Variants in PCDHA5 observed in about 807,000 individuals in gnomAD.
The protein encoded by PCDHA5 is protocadherin alpha 5.
PCDHA5 carries 43 observed loss-of-function variants against 61.6 expected under a neutral mutation model. The observed-to-expected ratio is 0.70, with a 90% CI of 0.55 to 0.90. PCDHA5 has a LOEUF of 0.90. Ranked by LOEUF, PCDHA5 falls within the 40% of genes least tolerant of loss-of-function variation. The pLI is 0.00. For missense variants in PCDHA5, 1,298 were observed against 1,222.7 expected (o/e 1.06, Z -0.92); for synonymous variants, 627 against 543.9 (o/e 1.15, Z -2.13).
At chr5:140,902,071 T>G (rs1288333473) in intron 1 of PCDHA5, among the ~76,000 whole-genome samples, 1 of 152,186 alleles carries the variant, frequency 6.6e-6, no homozygotes, top group African/African-American at 2.4e-5. Flanking sequence ...TTTACTGAAT[T>G]TATTGTTTTA....
At chr5:140,990,836 C>G (rs1358432111) in intron 3 of PCDHA5, among the ~76,000 whole-genome samples, 1 of 152,120 alleles carries the variant, frequency 6.6e-6, no homozygotes, top group East Asian at 1.9e-4. Context: ...AGCCTATTAG[C>G]AAAAATAGAG....
intron 1 of PCDHA5, chr5:140,967,458 A>T (rs1042156831): frequency 6.2e-7 from 1 of 1,613,546 alleles, no homozygotes; most frequent in Non-Finnish European, 8.5e-7. Flanking sequence ...ACAGCCGTGG[A>T]TGGGGGCATC....
At chr5:140,957,194 G>A (rs2095341106) in intron 1 of PCDHA5, among the ~76,000 whole-genome samples, 1 of 152,012 alleles carries the variant, frequency 6.6e-6, no homozygotes, top group Non-Finnish European at 1.5e-5. Context: ...TGACCGATTG[G>A]GAATATAAAT....
intron 1 of PCDHA5, among the ~76,000 whole-genome samples, chr5:140,832,719 AG>A (rs1433818410): frequency 2.0e-5 from 3 of 152,224 alleles, no homozygotes; most frequent in African/African-American, 7.2e-5. Flanking sequence ...AGATAAATAA[AG>A]GTAAGTATCC....
Position 140,823,982 on chromosome 5 carries a change from C to A in PCDHA5, c.2207C>A (p.Pro736His). ...PTEAVCTRGKPTLLCSSAVGS... is the reference protein window; with the variant it reads ...PTEAVCTRGKHTLLCSSAVGS... Reference sequence around the variant, plus strand: ...GAGGCCGTGTGCACACGGGGCAAGCCCACTCTGTTGTGCTCCAGCGCGGTG... The same window carrying A: ...GAGGCCGTGTGCACACGGGGCAAGCACACTCTGTTGTGCTCCAGCGCGGTG... The change falls in exon 1 of 4, where the codon CCC (proline) becomes CAC (histidine). Residue 736 changes from proline (P) to histidine (H), a missense_variant. Coordinates refer to ENST00000529859, the MANE Select transcript of PCDHA5 (RefSeq NM_018908.3). 1 of 1,614,046 alleles carries A rather than the reference C, an allele frequency of 6.2e-7. No homozygotes were observed. Among genetic ancestry groups the A allele is most frequent in the Non-Finnish European group, 8.5e-7 (1 of 1,179,982 alleles).
intron 1 of PCDHA5, among the ~76,000 whole-genome samples, chr5:140,930,790 A>G (rs155822): frequency 0.047 from 7,177 of 152,302 alleles, 299 homozygotes; most frequent in African/African-American, 0.11. Context: ...ACAATATAAT[A>G]GAATCCAGCA....
At chr5:140,852,867 T>A (rs2042500160) in intron 1 of PCDHA5, 1 of 952,126 alleles carries the variant, frequency 1.1e-6, no homozygotes, top group African/African-American at 1.8e-5. Context: ...TACTATGTCA[T>A]CAATAATCAT....
At chr5:140,979,350 A>T (rs113796939) in intron 2 of PCDHA5, among the ~76,000 whole-genome samples, 1,685 of 150,698 alleles carry the variant, frequency 0.011, 22 homozygotes, top group East Asian at 0.044. Flanking sequence ...TGTAATTAAT[A>T]CTCATGCTTT....
intron 1 of PCDHA5, among the ~76,000 whole-genome samples, chr5:140,880,565 A>T (rs1554171321): frequency 6.6e-6 from 1 of 152,206 alleles, no homozygotes; most frequent in Non-Finnish European, 1.5e-5. Flanking sequence ...TGAGGTTGAG[A>T]ATTTGAGAAG....
intron 1 of PCDHA5, chr5:140,861,392 G>A (rs2046897620): frequency 2.2e-6 from 1 of 451,822 alleles, no homozygotes; most frequent in Non-Finnish European, 4.5e-6. Context: ...ACCTGGGTCT[G>A]GAGCTTGTGG....
chr5:140,830,328 G>A, intron 1 of PCDHA5: 2 of 1,614,058 alleles, frequency 1.2e-6, no homozygotes, highest in Non-Finnish European at 1.7e-6. Flanking sequence ...AGCGCAGTGG[G>A]GAGCTGGTCG....
intron 3 of PCDHA5, among the ~76,000 whole-genome samples, chr5:140,991,358 A>G (rs1417256360): frequency 6.6e-6 from 1 of 152,234 alleles, no homozygotes; most frequent in African/African-American, 2.4e-5. Context: ...AAGACTATTT[A>G]CTGTCTGAGT....
Position 140,841,742 on chromosome 5 carries a change from T to G in PCDHA5, c.2352+17615T>G, listed in dbSNP as rs2150322045. On this transcript the variant is annotated intron_variant, in intron 1 of 3. Transcript: ENST00000529859. ...GTTCCGGGTAAAAGACCAAAAGCTG[T>G]TTGTTTCAGAATCCAGAATGCCAGA... 8 of 1,613,830 alleles carry G rather than the reference T, an allele frequency of 5.0e-6. 1 individual carries two copies. In the South Asian group the frequency reaches 8.8e-5, roughly 18 times the overall value.
At chr5:140,938,887 A>ACG (rs2092246756) in intron 1 of PCDHA5, among the ~76,000 whole-genome samples, 1 of 152,094 alleles carries the variant, frequency 6.6e-6, no homozygotes, top group South Asian at 2.1e-4. Flanking sequence ...ACACACACAC[A>ACG]CACAGATGCG....
intron 1 of PCDHA5, among the ~76,000 whole-genome samples, chr5:140,912,933 C>T (rs1433213824): frequency 6.6e-6 from 1 of 152,070 alleles, no homozygotes; most frequent in African/African-American, 2.4e-5. Context: ...TTGAATCATC[C>T]TTGTATCCCT....
intron 1 of PCDHA5, among the ~76,000 whole-genome samples, chr5:140,913,296 T>A (rs538964015): frequency 2.1e-4 from 32 of 152,322 alleles, no homozygotes; most frequent in African/African-American, 7.0e-4. Flanking sequence ...TTTAATTTCT[T>A]CATAGATCAA....
intron 3 of PCDHA5, among the ~76,000 whole-genome samples, chr5:140,987,298 G>A (rs2097247103): frequency 6.6e-6 from 1 of 152,086 alleles, no homozygotes; most frequent in South Asian, 2.1e-4. Context: ...AGCCTTCTAT[G>A]TGATACCAAT....
At position 141,009,622 on chromosome 5, in the gene PCDHA5, T is replaced by C. The variant is rs782517998; in HGVS notation, c.2501-5T>C. On this transcript the variant is annotated splice_region_variant and splice_polypyrimidine_tract_variant and intron_variant, in intron 3 of 3. Coordinates refer to ENST00000529859, the MANE Select transcript of PCDHA5 (RefSeq NM_018908.3). ...GTTAATGATTTGTAATGTTTTGTCT[T>C]TCAGAACCAGAGGCAGGAGAAGTGT... is the stretch of plus-strand genomic sequence containing the variant. 6.2e-7 allele frequency: 1 copy of C among 1,612,598 alleles called. No homozygotes were observed.
chr5:140,940,437 C>T (rs1212783028), intron 1 of PCDHA5, among the ~76,000 whole-genome samples: 1 of 151,730 alleles, frequency 6.6e-6, no homozygotes, highest in Non-Finnish European at 1.5e-5. Context: ...TCAAGTCTGC[C>T]ATGATATTTT....
Sources: allele counts gnomAD v4.1 joint callset (sites outside exome capture counted in the v4.1 genomes callset), GRCh38; gene constraint gnomAD v4.1.1; transcripts MANE v1.5; gene names NCBI Gene and HGNC (gene_info 2026-07-23, HGNC 2026-07-21).